The following PDE10A variants were observed in gnomAD, a reference collection of about 807,000 sequenced individuals.
PDE10A encodes phosphodiesterase 10A.
A neutral mutation model predicts 97.7 loss-of-function variants in PDE10A; 39 were observed. That is an observed-to-expected ratio of 0.40 (90% CI 0.31 to 0.52). The LOEUF (loss-of-function observed/expected upper bound fraction) is 0.52, where lower values mean the gene tolerates loss of function less well. PDE10A is among the 20% of genes least tolerant of loss of function. The probability of loss-of-function intolerance (pLI) is 0.56; values close to 1 mark genes in which losing one functional copy is unlikely to be tolerated. For synonymous variants in PDE10A, 371 were observed against 376.8 expected, an observed-to-expected ratio of 0.98 and a Z score of 0.18; for missense variants, 731 against 1,047.8, an observed-to-expected ratio of 0.70 and a Z score of 4.17.
intron 2 of PDE10A, among the ~76,000 whole-genome samples, chr6:165,524,216 T>C (rs1300452496): frequency 2.6e-5 from 4 of 152,190 alleles, no homozygotes; most frequent in African/African-American, 9.6e-5. Flanking sequence ...ATATATCTCC[T>C]ATTAGTTTTG....
chr6:165,650,700 TGTGA>T (rs1480174993), intron 1 of PDE10A, among the ~76,000 whole-genome samples: 3 of 152,178 alleles, frequency 2.0e-5, no homozygotes, highest in Non-Finnish European at 4.4e-5. Context: ...TTTGCCTATG[TGTGA>T]GTATGTCTGA....
chr6:165,665,766 T>G (rs557542924), upstream of PDE10A, among the ~76,000 whole-genome samples: 8 of 152,252 alleles, frequency 5.3e-5, no homozygotes, highest in African/African-American at 1.4e-4. Flanking sequence ...GACCATCATT[T>G]TAAAAGAATA....
intron 1 of PDE10A, among the ~76,000 whole-genome samples, chr6:165,746,656 G>C (rs866445923): frequency 6.6e-6 from 1 of 152,232 alleles, no homozygotes; most frequent in Admixed American, 6.5e-5. Flanking sequence ...CAGGCAAGAA[G>C]AGCAGAGGGC....
chr6:165,603,066 A>T (rs1787041640), intron 1 of PDE10A, among the ~76,000 whole-genome samples: 3 of 152,350 alleles, frequency 2.0e-5, no homozygotes, highest in African/African-American at 4.8e-5. Context: ...TTTATTTTTT[A>T]AAAAATAGCA....
At chr6:165,488,478 G>A (rs1159567630) in intron 2 of PDE10A, among the ~76,000 whole-genome samples, 2 of 152,146 alleles carry the variant, frequency 1.3e-5, no homozygotes, top group Admixed American at 1.3e-4. Context: ...GTGGATAGGA[G>A]GCAGGCCTAA....
intron 1 of PDE10A, among the ~76,000 whole-genome samples, chr6:165,587,368 A>C (rs991865526): frequency 1.1e-4 from 16 of 152,206 alleles, no homozygotes; most frequent in African/African-American, 3.9e-4. Flanking sequence ...ATTGAAATTT[A>C]ATACGTGTCT....
chr6:165,362,800 C>T (rs1436436743), intron 18 of PDE10A, among the ~76,000 whole-genome samples: 1 of 152,164 alleles, frequency 6.6e-6, no homozygotes, highest in Non-Finnish European at 1.5e-5. Flanking sequence ...TGAATACAGG[C>T]ACTAATGTCC....
rs571026815 is a variant in PDE10A, at chr6:165,517,772, T to C, written c.994+25668A>G. 9.8e-5 allele frequency among the ~76,000 whole-genome samples: 15 copies of C among 152,342 alleles called. No homozygotes were observed. The South Asian group carries it at 3.1e-3, about 32-fold the overall frequency. ...CGGCACAAAAAAGTGCCATTCTTCA[T>C]GCTGAGGTCAGTGGTGGTTACGGGA... On this transcript the variant is annotated intron_variant, in intron 2 of 21. Coordinates refer to ENST00000539869, the MANE Select transcript of PDE10A (RefSeq NM_001385079.1).
rs764388787 is a variant in PDE10A at position 165,333,006 on chromosome 6, G to GT, written c.*18dup. The GT allele has an allele frequency of 7.0e-7, 1 of 1,425,952 alleles. No individual in the cohort carries two copies. Among genetic ancestry groups the GT allele is most frequent in the Non-Finnish European group, 9.9e-7 (1 of 1,009,016 alleles). 88.3% of individuals were successfully genotyped at this position (1,425,952 alleles called of 1,614,324 possible). Reference sequence around the variant, plus strand: ...GATGAGGATCTGTAGGTGGGACAGCGTGTCAGGGTGACCAGTGCTCAATCT... The same window carrying GT: ...GATGAGGATCTGTAGGTGGGACAGCGTTGTCAGGGTGACCAGTGCTCAATCT... On this transcript the variant is annotated 3_prime_UTR_variant, in exon 22 of 22. Transcript: ENST00000539869.
chr6:165,894,780 A>G (rs1487312176), intron 1 of PDE10A: 1 of 274,098 alleles, frequency 3.6e-6, no homozygotes, highest in Admixed American at 4.6e-5. Context: ...AATATTATTT[A>G]TAGTATATTT....
intron 1 of PDE10A, among the ~76,000 whole-genome samples, chr6:165,582,454 A>G (rs1186656269): frequency 6.6e-6 from 1 of 152,218 alleles, no homozygotes; most frequent in East Asian, 1.9e-4. Flanking sequence ...ACATTTTTCT[A>G]AGGTACAGTT....
chr6:165,337,075 T>C (rs1781698483), intron 20 of PDE10A, among the ~76,000 whole-genome samples: 1 of 152,182 alleles, frequency 6.6e-6, no homozygotes, highest in African/African-American at 2.4e-5. Flanking sequence ...TCATTGGTTT[T>C]ATCACAGCTC....
chr6:165,879,264 C>A (rs1444838443), intron 1 of PDE10A, among the ~76,000 whole-genome samples: 1 of 152,168 alleles, frequency 6.6e-6, no homozygotes, highest in East Asian at 1.9e-4. Context: ...TGAATTTTAT[C>A]TTTGAAATGG....
intron 13 of PDE10A, among the ~76,000 whole-genome samples, chr6:165,399,270 A>C (rs892226235): frequency 1.3e-5 from 2 of 152,188 alleles, no homozygotes; most frequent in East Asian, 3.9e-4. Context: ...TGAACTACTC[A>C]TACATCAACC....
chr6:165,817,728 G>T (rs1471603923), intron 1 of PDE10A, among the ~76,000 whole-genome samples: 1 of 152,114 alleles, frequency 6.6e-6, no homozygotes, highest in Non-Finnish European at 1.5e-5. Flanking sequence ...AGGACAACTG[G>T]GTTGTAGCGT....
At chr6:165,820,545 C>A (rs533205183) in intron 1 of PDE10A, among the ~76,000 whole-genome samples, 1 of 152,290 alleles carries the variant, frequency 6.6e-6, no homozygotes, top group South Asian at 2.1e-4. Flanking sequence ...AAGACAATTC[C>A]TGTGGCTTAG....
At chr6:165,678,886 C>T (rs1562680325) in intron 1 of PDE10A, among the ~76,000 whole-genome samples, 1 of 152,222 alleles carries the variant, frequency 6.6e-6, no homozygotes, top group Admixed American at 6.5e-5. Context: ...TCTCTGCTCT[C>T]TTTGCTTCTG....
At chr6:165,443,931 A>T (rs1237016044) in intron 5 of PDE10A, among the ~76,000 whole-genome samples, 1 of 152,196 alleles carries the variant, frequency 6.6e-6, no homozygotes, top group Admixed American at 6.5e-5. Context: ...TGTCTTGGTG[A>T]TTAATATTCG....
chr6:165,499,655 A>G (rs904138293), intron 2 of PDE10A, among the ~76,000 whole-genome samples: 4 of 152,234 alleles, frequency 2.6e-5, no homozygotes, highest in African/African-American at 9.6e-5. Context: ...ACAAAACTTT[A>G]TACTTTTATA....
Sources: gnomAD v4.1 joint callset for allele counts (sites outside exome capture counted in the v4.1 genomes callset) on GRCh38, gnomAD v4.1.1 for gene constraint, MANE v1.5 for transcripts, NCBI Gene and HGNC (gene_info 2026-07-23, HGNC 2026-07-21) for gene names.